SPIN1: variants seen among roughly 807,000 people sequenced by gnomAD.
The protein encoded by SPIN1 is spindlin-1.
In SPIN1, 3 loss-of-function variants were observed where a neutral mutation model predicts 26.0. The ratio of observed to expected loss-of-function variants is 0.12; its 90% CI spans 0.05 to 0.30. SPIN1 has a LOEUF of 0.30. Ranked by LOEUF, SPIN1 falls within the 10% of genes least tolerant of loss-of-function variation. The pLI is 1.00. For missense variants in SPIN1, 126 were observed against 333.4 expected, an observed-to-expected ratio of 0.38 and a Z score of 4.84; for synonymous variants, 101 against 116.5, an observed-to-expected ratio of 0.87 and a Z score of 0.86.
intron 1 of SPIN1, among the ~76,000 whole-genome samples, chr9:88,415,910 ATTTTTTTT>A (rs34382784): frequency 7.6e-6 from 1 of 131,714 alleles, no homozygotes; most frequent in African/African-American, 2.9e-5. Context: ...TGCTCGGCTA[ATTTTTTTT>A]TTTTTTTTTT....
At chr9:88,421,970 TAAGAAGTGAATA>T (rs1217595754) in intron 1 of SPIN1, among the ~76,000 whole-genome samples, 1 of 152,194 alleles carries the variant, frequency 6.6e-6, no homozygotes, top group Non-Finnish European at 1.5e-5. Flanking sequence ...CATATCACAT[TAAGAAGTGAATA>T]AAGCAAGGTT....
chr9:88,406,836 A>G (rs1827320962), intron 1 of SPIN1, among the ~76,000 whole-genome samples: 1 of 152,060 alleles, frequency 6.6e-6, no homozygotes, highest in East Asian at 1.9e-4. Flanking sequence ...TCAAAATCTA[A>G]TATTATTTGA....
chr9:88,457,839 T>G lies in SPIN1; in HGVS notation c.102-4657T>G. 4 of 983,082 alleles carry G rather than the reference T, an allele frequency of 4.1e-6. No homozygotes were observed. The South Asian group carries it at 1.4e-4, about 35-fold the overall frequency. 60.9% of individuals were successfully genotyped at this position (983,082 alleles called of 1,614,324 possible). A position where few individuals can be genotyped will look rare whatever the true frequency, so the allele number is the denominator to read the frequency against. ...ACATGAGAAAAAAATGTGAAAATAC[T>G]ACGCAAAAAGCAACCAAAAAACCTT... is the stretch of plus-strand genomic sequence containing the variant. On this transcript the variant is annotated intron_variant, in intron 3 of 5. Coordinates refer to ENST00000375859, the MANE Select transcript of SPIN1 (RefSeq NM_006717.3).
intron 1 of SPIN1, among the ~76,000 whole-genome samples, chr9:88,413,547 C>T (rs1393667676): frequency 6.6e-6 from 1 of 151,436 alleles, no homozygotes; most frequent in Non-Finnish European, 1.5e-5. Flanking sequence ...CCACACCTGG[C>T]TAATTTTTTT....
rs557021323 is a variant in SPIN1 at position 88,444,982 on chromosome 9, C to T, written c.53-3959C>T. 3.3e-5 allele frequency among the ~76,000 whole-genome samples: 5 copies of T among 152,192 alleles called. No individual in the cohort carries two copies. The South Asian group carries it at 8.3e-4, about 25-fold the overall frequency. On this transcript the variant is annotated intron_variant, in intron 2 of 5. Coordinates refer to ENST00000375859, the MANE Select transcript of SPIN1 (RefSeq NM_006717.3). ...GTGCTGGGATTACAGGCGTGAGCCACGCGCCCAGCCCCTTTTCTTGAGTGA... is the reference window on the plus strand; with the variant it reads ...GTGCTGGGATTACAGGCGTGAGCCATGCGCCCAGCCCCTTTTCTTGAGTGA...
Position 88,426,435 on chromosome 9 carries a change from G to T in SPIN1, c.-105G>T. 1 of 842,248 alleles carries T rather than the reference G, an allele frequency of 1.2e-6. No homozygotes were observed. Among genetic ancestry groups the T allele is most frequent in the South Asian group, 1.6e-5 (1 of 62,824 alleles). 52.2% of individuals were successfully genotyped at this position (842,248 alleles called of 1,614,324 possible). A position where few individuals can be genotyped will look rare whatever the true frequency, so the allele number is the denominator to read the frequency against. On this transcript the variant is annotated 5_prime_UTR_variant, in exon 2 of 6. An upstream start codon of the reference 5' UTR is lost. Transcript: ENST00000375859. Reference sequence around the variant, plus strand: ...GAACTCGTAAAAGAGACACTTGGATGGTGGATTAACCAGAACACTAACATT... The same window carrying T: ...GAACTCGTAAAAGAGACACTTGGATTGTGGATTAACCAGAACACTAACATT...
At chr9:88,405,740 A>T (rs904369795) in intron 1 of SPIN1, among the ~76,000 whole-genome samples, 40 of 152,066 alleles carry the variant, frequency 2.6e-4, no homozygotes, top group African/African-American at 9.6e-4. Context: ...TGAACACAGT[A>T]GTTTTGTTTG....
At chr9:88,441,749 C>T (rs1828134635) in intron 2 of SPIN1, among the ~76,000 whole-genome samples, 2 of 148,862 alleles carry the variant, frequency 1.3e-5, no homozygotes, top group South Asian at 4.2e-4. Flanking sequence ...GAGTGAGACC[C>T]TGTCTAAAAA....
At chr9:88,416,865 TG>T (rs1250246302) in intron 1 of SPIN1, 1 of 152,126 alleles carries the variant, frequency 6.6e-6, no homozygotes, top group Non-Finnish European at 1.5e-5. Flanking sequence ...TCAGGTGATC[TG>T]CCCACCTCAG....
chr9:88,462,830 A>G, intron 4 of SPIN1, 81 bp downstream of exon 4: 1 of 1,419,434 alleles, frequency 7.0e-7, no homozygotes, highest in Non-Finnish European at 9.5e-7. Flanking sequence ...TACATTATTA[A>G]TACTTCACTT....
chr9:88,429,286 C>T (rs1330618823), intron 2 of SPIN1, among the ~76,000 whole-genome samples: 1 of 152,138 alleles, frequency 6.6e-6, no homozygotes, highest in African/African-American at 2.4e-5. Flanking sequence ...CATCATTTCA[C>T]TTCAGTCCAA....
intron 1 of SPIN1, among the ~76,000 whole-genome samples, chr9:88,407,199 G>A (rs868357764): frequency 1.9e-4 from 28 of 149,594 alleles, no homozygotes; most frequent in Admixed American, 3.3e-4. Context: ...GTGCAGTGGC[G>A]TGATCTTGGC....
intron 1 of SPIN1, among the ~76,000 whole-genome samples, chr9:88,407,765 CTTTTT>C (rs57142193): frequency 7.2e-4 from 101 of 140,448 alleles, no homozygotes; most frequent in African/African-American, 2.5e-3. Flanking sequence ...ATCTCTCTCT[CTTTTT>C]TTTTTTTTGA....
chr9:88,474,363 A>G (rs1484427838), intron 5 of SPIN1, among the ~76,000 whole-genome samples: 1 of 152,216 alleles, frequency 6.6e-6, no homozygotes, highest in South Asian at 2.1e-4. Flanking sequence ...TAGAGGCTAG[A>G]GGCAGTACAT....
chr9:88,402,365 A>G (rs1827205740), intron 1 of SPIN1, among the ~76,000 whole-genome samples: 1 of 152,120 alleles, frequency 6.6e-6, no homozygotes, highest in Non-Finnish European at 1.5e-5. Flanking sequence ...TATACAGTAT[A>G]TATTTGCTAA....
chr9:88,434,321 A>ATTATTTTATAAATTATAAAATAGT (rs1564031531), intron 2 of SPIN1, among the ~76,000 whole-genome samples: 6 of 138,734 alleles, frequency 4.3e-5, no homozygotes, highest in Non-Finnish European at 7.7e-5. Context: ...AATTTATAAA[A>ATTATTTTATAAATTATAAAATAGT]TTATTTTACA....
intron 2 of SPIN1, among the ~76,000 whole-genome samples, chr9:88,427,743 T>C (rs11142293): frequency 0.19 from 28,790 of 152,032 alleles, 3,651 homozygotes; most frequent in African/African-American, 0.36. Context: ...ATTACAGGCA[T>C]GAGCCACCCT....
chr9:88,467,016 C>T (rs1443953515), intron 4 of SPIN1, among the ~76,000 whole-genome samples: 1 of 152,120 alleles, frequency 6.6e-6, no homozygotes, highest in African/African-American at 2.4e-5. Flanking sequence ...GGATTACAGG[C>T]GTGAGCCACC....
chr9:88,441,670 G>A lies in SPIN1; in HGVS notation c.53-7271G>A, dbSNP rs574417525. ...CTTCAGAGGTTGAGGCGGGAGGACC[G>A]CTTGAGTCTTGGGACGTTGAGGTTG... On this transcript the variant is annotated intron_variant, in intron 2 of 5. Coordinates refer to ENST00000375859, the MANE Select transcript of SPIN1 (RefSeq NM_006717.3). Among the ~76,000 whole-genome samples, 99 of 151,588 alleles carry A rather than the reference G, an allele frequency of 6.5e-4. 3 individuals carry two copies. Among genetic ancestry groups the A allele is most frequent in the African/African-American group, 2.2e-3 (92 of 41,110 alleles).
Sources: allele counts gnomAD v4.1 joint callset (sites outside exome capture counted in the v4.1 genomes callset), GRCh38; gene constraint gnomAD v4.1.1; transcripts MANE v1.5; gene names NCBI Gene and HGNC (gene_info 2026-07-23, HGNC 2026-07-21).